The following XPR1 variants were observed in gnomAD, a reference collection of about 807,000 sequenced individuals.
XPR1 encodes xenotropic and polytropic retrovirus receptor 1, also known as solute carrier family 53 member 1.
XPR1 carries 28 observed loss-of-function variants against 87.5 expected under a neutral mutation model. That is an observed-to-expected ratio of 0.32 (90% CI 0.24 to 0.44). The LOEUF (loss-of-function observed/expected upper bound fraction) is 0.44, where lower values mean the gene tolerates loss of function less well. Ranked by LOEUF, XPR1 falls within the 20% of genes least tolerant of loss-of-function variation. The pLI, the probability that XPR1 is intolerant of heterozygous loss-of-function variation, is 1.00. For synonymous variants in XPR1, 300 were observed against 306.1 expected (o/e 0.98, Z 0.21); for missense variants, 559 against 862.3 (o/e 0.65, Z 4.41).
At chr1:180,829,469 C>T (rs1346211134) in intron 9 of XPR1, among the ~76,000 whole-genome samples, 1 of 152,180 alleles carries the variant, frequency 6.6e-6, no homozygotes, top group African/African-American at 2.4e-5. Flanking sequence ...ATGAATTTGA[C>T]TGTGTGTAAA....
chr1:180,774,843 T>C (rs1389280220), intron 2 of XPR1, among the ~76,000 whole-genome samples: 1 of 152,200 alleles, frequency 6.6e-6, no homozygotes, highest in Non-Finnish European at 1.5e-5. Context: ...ATAATAGAAA[T>C]TTATTTCTCA....
chr1:180,739,202 A>G lies in XPR1; in HGVS notation c.122-48551A>G, dbSNP rs144995156. Among the ~76,000 whole-genome samples, 278 of 152,116 alleles carry G rather than the reference A, an allele frequency of 1.8e-3. 2 individuals are homozygous for G. Among genetic ancestry groups the G allele is most frequent in the Admixed American group, 3.1e-3 (47 of 15,290 alleles). ...CAATTTACCGTATTTGTTTGGGTCT[A>G]TTTCTGGACTGTCTATTCTGTTTCA... On this transcript the variant is annotated intron_variant, in intron 2 of 14. Transcript: ENST00000367590.
At chr1:180,696,500 C>G (rs1035253999) in intron 2 of XPR1, among the ~76,000 whole-genome samples, 1 of 150,978 alleles carries the variant, frequency 6.6e-6, no homozygotes, top group African/African-American at 2.5e-5. Flanking sequence ...AATTTCAGTA[C>G]TATGTTGAAT....
At chr1:180,821,676 G>A (rs1650628736) in intron 7 of XPR1, among the ~76,000 whole-genome samples, 1 of 152,152 alleles carries the variant, frequency 6.6e-6, no homozygotes, top group Non-Finnish European at 1.5e-5. Flanking sequence ...TTAAATCCAT[G>A]AACACAGGAT....
intron 8 of XPR1, 62 bp downstream of exon 8, chr1:180,825,005 G>GT: frequency 1.3e-6 from 2 of 1,545,670 alleles, no homozygotes; most frequent in Non-Finnish European, 1.7e-6. Context: ...TAGCTATCTG[G>GT]TTTAGTGGGT....
chr1:180,726,626 C>G (rs533931637), intron 2 of XPR1, among the ~76,000 whole-genome samples: 1 of 152,172 alleles, frequency 6.6e-6, no homozygotes, highest in Non-Finnish European at 1.5e-5. Flanking sequence ...GCCTTTTTCA[C>G]TCTCATTTTC....
intron 1 of XPR1, among the ~76,000 whole-genome samples, chr1:180,634,822 C>G (rs1654712367): frequency 6.6e-6 from 1 of 151,590 alleles, no homozygotes; most frequent in African/African-American, 2.4e-5. Context: ...TGTTTTACAT[C>G]TGTAATTATA....
rs974448036 is a variant in XPR1 at position 180,835,155 on chromosome 1, T to C, written c.1306+110T>C. ...CATGATGAAAACTTACCCAATAATA[T>C]TATAAACTTAATTTAATGTACTTGG... On this transcript the variant is annotated intron_variant, in intron 10 of 14. Coordinates refer to ENST00000367590, the MANE Select transcript of XPR1 (RefSeq NM_004736.4). The C allele has an allele frequency of 4.5e-5, 54 of 1,189,754 alleles. 1 individual carries two copies. The South Asian group carries it at 7.8e-4, about 17-fold the overall frequency. The allele number at this position is 1,189,754 out of a possible 1,614,324, so 73.7% of individuals were successfully genotyped here. A position where few individuals can be genotyped will look rare whatever the true frequency, so the allele number is the denominator to read the frequency against.
chr1:180,712,309 TC>T (rs1657827334), intron 2 of XPR1, among the ~76,000 whole-genome samples: 1 of 152,202 alleles, frequency 6.6e-6, no homozygotes, highest in African/African-American at 2.4e-5. Context: ...TTAGTGTTGT[TC>T]CCTATACGAA....
intron 2 of XPR1, among the ~76,000 whole-genome samples, chr1:180,699,016 G>A (rs886299672): frequency 2.0e-5 from 3 of 152,072 alleles, no homozygotes; most frequent in Non-Finnish European, 4.4e-5. Context: ...ATCTGTTTGG[G>A]AATTATTGAG....
At chr1:180,820,592 A>C (rs145451117) in intron 7 of XPR1, among the ~76,000 whole-genome samples, 14 of 152,290 alleles carry the variant, frequency 9.2e-5, no homozygotes, top group African/African-American at 3.4e-4. Context: ...ACATGCATAA[A>C]CATGGATTTG....
chr1:180,786,049 T>C (rs1649127547), intron 2 of XPR1, among the ~76,000 whole-genome samples: 2 of 151,956 alleles, frequency 1.3e-5, no homozygotes, highest in African/African-American at 4.8e-5. Context: ...TAGCCCTTAT[T>C]GTACCTAGAT....
intron 1 of XPR1, among the ~76,000 whole-genome samples, chr1:180,641,503 T>C (rs1654960195): frequency 6.6e-6 from 1 of 152,144 alleles, no homozygotes. Flanking sequence ...GTGAGAACAA[T>C]TATGTGGCTG....
chr1:180,738,577 G>C (rs945810249), intron 2 of XPR1, among the ~76,000 whole-genome samples: 2 of 152,126 alleles, frequency 1.3e-5, no homozygotes, highest in Non-Finnish European at 2.9e-5. Flanking sequence ...TATATTCAGA[G>C]TTATGTAACC....
chr1:180,658,367 G>C (rs896910660), intron 1 of XPR1, among the ~76,000 whole-genome samples: 2 of 152,160 alleles, frequency 1.3e-5, no homozygotes, highest in South Asian at 4.1e-4. Context: ...TCATGTTTCA[G>C]ATCTTAGAGG....
intron 1 of XPR1, among the ~76,000 whole-genome samples, chr1:180,636,620 T>G (rs958968210): frequency 6.6e-6 from 1 of 152,212 alleles, no homozygotes; most frequent in African/African-American, 2.4e-5. Flanking sequence ...TAGTCCTAGC[T>G]TCAAATTCAG....
chr1:180,779,713 A>G (rs886597104), intron 2 of XPR1, among the ~76,000 whole-genome samples: 33 of 148,656 alleles, frequency 2.2e-4, no homozygotes, highest in African/African-American at 2.0e-4. Flanking sequence ...GGAGGGGGAG[A>G]GGGAGAGGGA....
At chr1:180,798,290 A>G (rs1420821743) in intron 3 of XPR1, among the ~76,000 whole-genome samples, 2 of 152,166 alleles carry the variant, frequency 1.3e-5, no homozygotes, top group Non-Finnish European at 2.9e-5. Flanking sequence ...TGAAAATATA[A>G]TCACGGAAGT....
chr1:180,803,494 C>T lies in XPR1; in HGVS notation c.330C>T (p.Arg110=), dbSNP rs1394123540. Reference sequence around the variant, plus strand: ...CTGGTGTTACTACGCTGCGACAACGCAGAAAGCCAGTCTTCCACTTGTCCC... The same window carrying T: ...CTGGTGTTACTACGCTGCGACAACGTAGAAAGCCAGTCTTCCACTTGTCCC... The part of the protein sequence containing the change: ...ESTGVTTLRQ[R]RKPVFHLSHE... Residue 110 remains arginine (R), a synonymous_variant, in exon 4 of 15, where the codon CGC becomes CGT. Coordinates refer to ENST00000367590, the MANE Select transcript of XPR1 (RefSeq NM_004736.4). 3.7e-6 allele frequency: 6 copies of T among 1,613,966 alleles called. No individual in the cohort carries two copies. The South Asian group carries it at 4.4e-5, about 12-fold the overall frequency.
Sources: allele counts gnomAD v4.1 joint callset (sites outside exome capture counted in the v4.1 genomes callset), GRCh38; gene constraint gnomAD v4.1.1; transcripts MANE v1.5; gene names NCBI Gene and HGNC (gene_info 2026-07-23, HGNC 2026-07-21).